SCHIP1: variants seen among roughly 807,000 people sequenced by gnomAD.
The protein encoded by SCHIP1 is schwannomin interacting protein 1, also known as schwannomin-interacting protein 1.
In SCHIP1, 8 loss-of-function variants were observed where a neutral mutation model predicts 29.7. The ratio of observed to expected loss-of-function variants is 0.27; its 90% confidence interval spans 0.16 to 0.49. The LOEUF (loss-of-function observed/expected upper bound fraction) is 0.49. Ranked by LOEUF, SCHIP1 falls within the 20% of genes least tolerant of loss-of-function variation. The pLI is 0.99. For synonymous variants in SCHIP1, 76 were observed against 94.9 expected (o/e 0.80, Z 1.16); for missense variants, 193 against 294.6 (o/e 0.66, Z 2.52).
chr3:159,377,878 C>T, the SCHIP1 span, among the ~76,000 whole-genome samples: 9 of 152,192 alleles, frequency 5.9e-5, no homozygotes, highest in East Asian at 5.8e-4. Flanking sequence ...TGACCATGAC[C>T]ATCCAGACTC....
At chr3:159,298,153 T>G in the SCHIP1 span, among the ~76,000 whole-genome samples, 1 of 152,218 alleles carries the variant, frequency 6.6e-6, no homozygotes, top group African/African-American at 2.4e-5. Flanking sequence ...GAAAAGACCA[T>G]TCTACAGCTC....
chr3:159,279,281 C>T, the SCHIP1 span, among the ~76,000 whole-genome samples: 1 of 152,208 alleles, frequency 6.6e-6, no homozygotes, highest in African/African-American at 2.4e-5. Flanking sequence ...CACACACGCT[C>T]TTGCCTGCTG....
At chr3:159,611,036 C>G in the SCHIP1 span, among the ~76,000 whole-genome samples, 1 of 152,058 alleles carries the variant, frequency 6.6e-6, no homozygotes, top group South Asian at 2.1e-4. Context: ...AGAATATTAT[C>G]TCCAGATACA....
the SCHIP1 span, among the ~76,000 whole-genome samples, chr3:159,277,233 G>A: frequency 2.6e-5 from 4 of 152,072 alleles, no homozygotes; most frequent in African/African-American, 9.6e-5. Context: ...ATACAATGTT[G>A]GTATAGAAAG....
the SCHIP1 span, among the ~76,000 whole-genome samples, chr3:159,291,299 G>A: frequency 6.6e-6 from 1 of 151,902 alleles, no homozygotes; most frequent in South Asian, 2.1e-4. Context: ...GAAATTATTG[G>A]ACACCACTGT....
At chr3:159,722,052 T>G in the SCHIP1 span, 1 of 362,854 alleles carries the variant, frequency 2.8e-6, no homozygotes, top group Admixed American at 3.0e-5. Context: ...TGCATTCTCA[T>G]CCCTTCAGTT....
the SCHIP1 span, among the ~76,000 whole-genome samples, chr3:159,616,293 G>A: frequency 6.6e-6 from 1 of 152,132 alleles, no homozygotes; most frequent in Non-Finnish European, 1.5e-5. Flanking sequence ...GTAGAGACGG[G>A]GCTTCACCAC....
the SCHIP1 span, among the ~76,000 whole-genome samples, chr3:159,339,847 T>C: frequency 6.6e-5 from 10 of 152,144 alleles, no homozygotes; most frequent in Non-Finnish European, 1.3e-4. Context: ...TTTTGTCCAC[T>C]GAAAAGAAGA....
the SCHIP1 span, among the ~76,000 whole-genome samples, chr3:159,295,726 C>G: frequency 6.6e-6 from 1 of 152,114 alleles, no homozygotes; most frequent in African/African-American, 2.4e-5. Flanking sequence ...TCATGTTGCC[C>G]CTGCCCTGTG....
chr3:159,322,464 G>A, the SCHIP1 span, among the ~76,000 whole-genome samples: 1 of 152,090 alleles, frequency 6.6e-6, no homozygotes, highest in African/African-American at 2.4e-5. Flanking sequence ...GTCAGAGTAC[G>A]AGGAATCAAT....
the SCHIP1 span, among the ~76,000 whole-genome samples, chr3:159,815,313 C>T: frequency 6.6e-6 from 1 of 152,136 alleles, no homozygotes; most frequent in African/African-American, 2.4e-5. Flanking sequence ...TAATTTACCT[C>T]AAGGATACCT....
At chr3:159,744,483 C>T in the SCHIP1 span, among the ~76,000 whole-genome samples, 2 of 152,308 alleles carry the variant, frequency 1.3e-5, no homozygotes, top group African/African-American at 4.8e-5. Flanking sequence ...GAGTGAGGAG[C>T]ACTAGAACTT....
the SCHIP1 span, among the ~76,000 whole-genome samples, chr3:159,571,975 T>C: frequency 2.6e-5 from 4 of 151,940 alleles, no homozygotes; most frequent in African/African-American, 7.2e-5. Flanking sequence ...TGGTGATATC[T>C]CCTTTATCAT....
At chr3:159,839,316 A>G (rs547205736), upstream of SCHIP1, among the ~76,000 whole-genome samples, 11 of 151,944 alleles carry the variant, frequency 7.2e-5, no homozygotes, top group South Asian at 1.0e-3. Flanking sequence ...TCCAATTAAG[A>G]GTTTAGTTTT....
intron 1 of SCHIP1, chr3:159,846,020 A>T (rs149398884): frequency 6.6e-6 from 1 of 152,238 alleles, no homozygotes; most frequent in African/African-American, 2.4e-5. Flanking sequence ...ATGCACAGAC[A>T]TTCCAGCCTT....
chr3:159,717,250 A>C, the SCHIP1 span, among the ~76,000 whole-genome samples: 1 of 152,216 alleles, frequency 6.6e-6, no homozygotes, highest in Non-Finnish European at 1.5e-5. Context: ...AGGGAAATTT[A>C]TAGCACTAAA....
At chr3:159,447,470 G>A in the SCHIP1 span, among the ~76,000 whole-genome samples, 1 of 152,130 alleles carries the variant, frequency 6.6e-6, no homozygotes. Context: ...GAGAGTCTGG[G>A]CTTTCCAAAC....
chr3:159,850,075 T>G (rs1712376452), intron 1 of SCHIP1, among the ~76,000 whole-genome samples: 1 of 152,178 alleles, frequency 6.6e-6, no homozygotes, highest in African/African-American at 2.4e-5. Flanking sequence ...AAAGGAAAAT[T>G]CATCATATAG....
intron 1 of SCHIP1, among the ~76,000 whole-genome samples, chr3:159,854,082 A>G (rs1713022518): frequency 6.6e-6 from 1 of 152,206 alleles, no homozygotes; most frequent in Admixed American, 6.5e-5. Context: ...AGAAGCCTAA[A>G]ACACACACTA....
Sources: allele counts gnomAD v4.1 joint callset (sites outside exome capture counted in the v4.1 genomes callset), GRCh38; gene constraint gnomAD v4.1.1; transcripts MANE v1.5; gene names NCBI Gene and HGNC (gene_info 2026-07-23, HGNC 2026-07-21).